The following SLC2A13 variants were observed in gnomAD, a reference collection of about 807,000 sequenced individuals.
SLC2A13 encodes proton myo-inositol cotransporter.
Under a neutral mutation model 64.4 loss-of-function variants are expected in SLC2A13, and 32 were observed. That is an observed-to-expected ratio of 0.50 (90% CI 0.37 to 0.67). The LOEUF is 0.67. SLC2A13 is among the 30% of genes least tolerant of loss of function. The pLI, the probability that SLC2A13 is intolerant of heterozygous loss-of-function variation, is 0.00. For missense variants in SLC2A13, 743 were observed against 829.2 expected (o/e 0.90, Z 1.28); for synonymous variants, 338 against 327.1 (o/e 1.03, Z -0.36).
At chr12:39,986,024 G>A (rs551459750) in intron 3 of SLC2A13, among the ~76,000 whole-genome samples, 1 of 152,232 alleles carries the variant, frequency 6.6e-6, no homozygotes, top group East Asian at 1.9e-4. Context: ...CTGTGTCTTG[G>A]TTCAGGCAGC....
At chr12:40,100,640 T>C (rs769382986) in intron 1 of SLC2A13, among the ~76,000 whole-genome samples, 22 of 151,882 alleles carry the variant, frequency 1.4e-4, no homozygotes, top group Non-Finnish European at 1.2e-4. Flanking sequence ...CACCTGAAAA[T>C]GGGATTGTGT....
intron 3 of SLC2A13, among the ~76,000 whole-genome samples, chr12:39,959,763 T>G (rs1476955946): frequency 6.6e-6 from 1 of 152,238 alleles, no homozygotes; most frequent in African/African-American, 2.4e-5. Flanking sequence ...TAGAAAACTT[T>G]TATTTAAAAA....
intron 3 of SLC2A13, among the ~76,000 whole-genome samples, chr12:39,997,424 AAAG>A (rs1156490663): frequency 6.6e-6 from 1 of 152,202 alleles, no homozygotes; most frequent in Non-Finnish European, 1.5e-5. Flanking sequence ...ACAATTCTCA[AAAG>A]AAGATCTACA....
chr12:39,873,025 C>T (rs776254966), intron 4 of SLC2A13, among the ~76,000 whole-genome samples: 3 of 152,050 alleles, frequency 2.0e-5, no homozygotes, highest in Admixed American at 6.5e-5. Context: ...GTTTTGAATA[C>T]GTTTAAGTCT....
At chr12:39,906,264 T>C (rs1340114032) in intron 4 of SLC2A13, among the ~76,000 whole-genome samples, 4 of 152,136 alleles carry the variant, frequency 2.6e-5, no homozygotes, top group Admixed American at 2.0e-4. Context: ...TATGGGCAAA[T>C]TACTACCTGA....
Position 40,105,837 on chromosome 12 carries a change from G to C in SLC2A13, c.-29C>G. On this transcript the variant is annotated 5_prime_UTR_variant, in exon 1 of 10. Transcript: ENST00000280871. The surrounding 1 kb of genome is among the most constrained non-coding windows in gnomAD (Gnocchi z 4.2). Reference sequence around the variant, plus strand: ...GCAGGGGCCCGGGGCTGCCCGGGGGGACGCGGCTCCGCGGGCCGGCAGTCT... The same window carrying C: ...GCAGGGGCCCGGGGCTGCCCGGGGGCACGCGGCTCCGCGGGCCGGCAGTCT... 7.3e-7 allele frequency: 1 copy of C among 1,375,780 alleles called. No individual in the cohort carries two copies. The highest frequency in any genetic ancestry group is 9.4e-7 in the Non-Finnish European group (1 of 1,065,638). The allele number at this position is 1,375,780 out of a possible 1,614,324, so 85.2% of individuals were successfully genotyped here. A position where few individuals can be genotyped will look rare whatever the true frequency, so the allele number is the denominator to read the frequency against.
chr12:39,850,600 T>C (rs1330399048), intron 6 of SLC2A13, among the ~76,000 whole-genome samples: 1 of 152,198 alleles, frequency 6.6e-6, no homozygotes, highest in African/African-American at 2.4e-5. Flanking sequence ...CCAACATTAG[T>C]ATACGGTAAT....
rs189120636 is a variant in SLC2A13, at chr12:39,809,445, G to T, written c.1445+20658C>A. ...CATTTTTTATAGAACTGTTTATAGG[G>T]ATTATGATTAGAATTACTTGAGTTG... On this transcript the variant is annotated intron_variant, in intron 7 of 9. Coordinates refer to ENST00000280871, the MANE Select transcript of SLC2A13 (RefSeq NM_052885.4). Among the ~76,000 whole-genome samples the T allele has an allele frequency of 4.0e-3, 607 of 152,152 alleles. 5 individuals are homozygous for T. Among genetic ancestry groups the T allele is most frequent in the Non-Finnish European group, 3.7e-3 (250 of 67,982 alleles).
chr12:39,923,259 G>C (rs556506153), intron 4 of SLC2A13, among the ~76,000 whole-genome samples: 10 of 152,112 alleles, frequency 6.6e-5, no homozygotes, highest in Non-Finnish European at 1.0e-4. Flanking sequence ...CAACACAAGT[G>C]TCCAACAAAT....
At chr12:39,872,842 G>C (rs528854159) in intron 4 of SLC2A13, among the ~76,000 whole-genome samples, 4 of 152,278 alleles carry the variant, frequency 2.6e-5, no homozygotes, top group Admixed American at 2.0e-4. Context: ...TACACATTCT[G>C]AACCATGGCT....
At chr12:39,902,225 G>C (rs897780699) in intron 4 of SLC2A13, among the ~76,000 whole-genome samples, 6 of 150,674 alleles carry the variant, frequency 4.0e-5, no homozygotes, top group Non-Finnish European at 7.4e-5. Flanking sequence ...AGCATTAGGA[G>C]ATATACCTAA....
intron 3 of SLC2A13, among the ~76,000 whole-genome samples, chr12:40,007,394 C>T (rs773852397): frequency 6.6e-6 from 1 of 152,034 alleles, no homozygotes; most frequent in Non-Finnish European, 1.5e-5. Context: ...TATTCTAAAA[C>T]TTCATAAGTT....
At chr12:39,859,548 G>A (rs911070339) in intron 6 of SLC2A13, among the ~76,000 whole-genome samples, 2 of 152,040 alleles carry the variant, frequency 1.3e-5, no homozygotes, top group Non-Finnish European at 2.9e-5. Context: ...TTAAGACAGA[G>A]TCTCCCTCTT....
intron 6 of SLC2A13, among the ~76,000 whole-genome samples, chr12:39,858,432 T>C (rs1355073677): frequency 6.6e-6 from 1 of 152,130 alleles, no homozygotes; most frequent in East Asian, 1.9e-4. Flanking sequence ...AGATTCATTT[T>C]ATAGGAAATT....
chr12:39,855,669 CA>C (rs1240826896), intron 6 of SLC2A13, among the ~76,000 whole-genome samples: 1 of 152,166 alleles, frequency 6.6e-6, no homozygotes, highest in Non-Finnish European at 1.5e-5. Context: ...TACAAATGTG[CA>C]TAAATGTTTT....
At chr12:40,032,343 G>A (rs1314376284) in intron 2 of SLC2A13, among the ~76,000 whole-genome samples, 1 of 152,194 alleles carries the variant, frequency 6.6e-6, no homozygotes, top group African/African-American at 2.4e-5. Flanking sequence ...GCTCTCATGA[G>A]TTTTTAAATC....
intron 3 of SLC2A13, among the ~76,000 whole-genome samples, chr12:39,974,548 G>T (rs907739931): frequency 1.3e-5 from 2 of 152,306 alleles, no homozygotes; most frequent in South Asian, 4.1e-4. Flanking sequence ...CTGAGTTTTT[G>T]TTAAAGCATC....
chr12:39,979,688 T>C (rs1346430566), intron 3 of SLC2A13, among the ~76,000 whole-genome samples: 1 of 101,226 alleles, frequency 9.9e-6, no homozygotes, highest in Non-Finnish European at 2.0e-5. Context: ...AGACCAAATC[T>C]ACGTCTGATT....
At chr12:40,060,173 A>T (rs748249397) in intron 1 of SLC2A13, among the ~76,000 whole-genome samples, 3 of 152,128 alleles carry the variant, frequency 2.0e-5, no homozygotes, top group Non-Finnish European at 4.4e-5. Context: ...AGTAACACAG[A>T]CATATAGACA....
Sources: gnomAD v4.1 joint callset for allele counts (sites outside exome capture counted in the v4.1 genomes callset) on GRCh38, gnomAD v4.1.1 for gene constraint, Gnocchi (gnomAD v3.1) non-coding constraint, MANE v1.5 for transcripts, NCBI Gene and HGNC (gene_info 2026-07-23, HGNC 2026-07-21) for gene names.